CLNK: variants seen among roughly 807,000 people sequenced by gnomAD.
CLNK encodes the protein cytokine-dependent hematopoietic cell linker.
In CLNK, 74 loss-of-function variants were observed where a neutral mutation model predicts 68.6. That is an observed-to-expected ratio of 1.08 (90% CI 0.89 to 1.31). CLNK has a LOEUF of 1.31. CLNK is among the 50% of genes most tolerant of loss of function. The pLI, the probability that CLNK is intolerant of heterozygous loss-of-function variation, is 0.00. For missense variants in CLNK, 553 were observed against 515.3 expected (o/e 1.07, Z -0.71); for synonymous variants, 198 against 172.2 (o/e 1.15, Z -1.17).
intron 2 of CLNK, among the ~76,000 whole-genome samples, chr4:10,646,549 C>T (rs1255083544): frequency 6.6e-6 from 1 of 152,186 alleles, no homozygotes; most frequent in Non-Finnish European, 1.5e-5. Context: ...TTCCTCAGTG[C>T]CAGTGAAACT....
intron 5 of CLNK, among the ~76,000 whole-genome samples, chr4:10,567,660 T>G (rs1440700762): frequency 6.6e-6 from 1 of 152,170 alleles, no homozygotes; most frequent in Non-Finnish European, 1.5e-5. Flanking sequence ...AGAAAATATT[T>G]GCAAATCATG....
At chr4:10,618,754 G>A (rs1236877715) in intron 2 of CLNK, among the ~76,000 whole-genome samples, 1 of 152,138 alleles carries the variant, frequency 6.6e-6, no homozygotes, top group Non-Finnish European at 1.5e-5. Flanking sequence ...AAAGGAGGAA[G>A]GTGCTGTACA....
chr4:10,630,652 C>A (rs1005940566), intron 2 of CLNK, among the ~76,000 whole-genome samples: 1 of 152,218 alleles, frequency 6.6e-6, no homozygotes, highest in African/African-American at 2.4e-5. Flanking sequence ...TCCTATCTAT[C>A]TACACCATCT....
At chr4:10,658,807 A>T (rs764416016) in intron 2 of CLNK, among the ~76,000 whole-genome samples, 1 of 152,214 alleles carries the variant, frequency 6.6e-6, no homozygotes, top group Non-Finnish European at 1.5e-5. Flanking sequence ...AAGTTAAGGG[A>T]GGTGGAGAAA....
chr4:10,579,395 T>C (rs901786402), intron 4 of CLNK, among the ~76,000 whole-genome samples: 1 of 151,298 alleles, frequency 6.6e-6, no homozygotes, highest in African/African-American at 2.4e-5. Context: ...AAGAGGGGAA[T>C]GAGAGAGAGA....
At chr4:10,512,248 T>G (rs1717620185) in intron 16 of CLNK, among the ~76,000 whole-genome samples, 1 of 151,720 alleles carries the variant, frequency 6.6e-6, no homozygotes, top group Admixed American at 6.6e-5. Flanking sequence ...TTTTTTTTTT[T>G]GTGATGAAGT....
At chr4:10,568,207 C>T (rs187443208) in intron 5 of CLNK, among the ~76,000 whole-genome samples, 10 of 152,118 alleles carry the variant, frequency 6.6e-5, no homozygotes, top group East Asian at 1.9e-4. Flanking sequence ...GCAATGAAAA[C>T]GAGTAAAGTA....
the CLNK span, among the ~76,000 whole-genome samples, chr4:10,728,794 G>T: frequency 6.6e-6 from 1 of 151,520 alleles, no homozygotes; most frequent in African/African-American, 2.4e-5. Context: ...ACGGGGTTTC[G>T]CCATGTTAGT....
intron 14 of CLNK, 88 bp downstream of exon 14, chr4:10,525,753 T>C: frequency 1.3e-6 from 1 of 749,732 alleles, no homozygotes; most frequent in Non-Finnish European, 2.2e-6. Flanking sequence ...CTTTCGTTTC[T>C]CAGAAAGTCT....
At position 10,497,325 on chromosome 4, in the gene CLNK, G is replaced by GTA. The variant is rs538570325; in HGVS notation, c.1140+3929_1140+3930dup. Among the ~76,000 whole-genome samples, 65 of 152,038 alleles carry GTA rather than the reference G, an allele frequency of 4.3e-4. 1 individual carries two copies. In the South Asian group the frequency reaches 0.01, roughly 24 times the overall value. Reference sequence around the variant, plus strand: ...ATTTCTTTCTCATTGCTTGCTTTATGTATATATATATTTATATTATTAGTG... The same window carrying GTA: ...ATTTCTTTCTCATTGCTTGCTTTATGTATATATATATATTTATATTATTAGTG... On this transcript the variant is annotated intron_variant, in intron 18 of 18. Coordinates refer to ENST00000226951, the MANE Select transcript of CLNK (RefSeq NM_052964.4).
At chr4:10,550,439 G>A (rs1013166799) in intron 8 of CLNK, among the ~76,000 whole-genome samples, 2 of 152,104 alleles carry the variant, frequency 1.3e-5, no homozygotes, top group Admixed American at 1.3e-4. Flanking sequence ...AGCTTGCAGT[G>A]AGCCAAGATC....
At chr4:10,698,812 G>A in the CLNK span, among the ~76,000 whole-genome samples, 1 of 152,152 alleles carries the variant, frequency 6.6e-6, no homozygotes, top group Non-Finnish European at 1.5e-5. Context: ...TTCTGAATGA[G>A]ATTAACATGT....
intron 18 of CLNK, among the ~76,000 whole-genome samples, chr4:10,497,838 C>A (rs1281437969): frequency 6.6e-6 from 1 of 152,228 alleles, no homozygotes; most frequent in Non-Finnish European, 1.5e-5. Flanking sequence ...AAAGGCACAC[C>A]ATGTCCACGT....
chr4:10,643,000 G>A (rs558302021), intron 2 of CLNK, among the ~76,000 whole-genome samples: 22 of 152,124 alleles, frequency 1.4e-4, no homozygotes, highest in Non-Finnish European at 2.6e-4. Context: ...CTATATATAC[G>A]CACACATACA....
intron 2 of CLNK, among the ~76,000 whole-genome samples, chr4:10,619,283 A>G (rs1722339614): frequency 1.3e-5 from 2 of 152,320 alleles, no homozygotes; most frequent in Admixed American, 1.3e-4. Context: ...TAAGCATTGT[A>G]ATCACCGGCT....
intron 2 of CLNK, among the ~76,000 whole-genome samples, chr4:10,610,771 AACACACACACACAC>A (rs59809551): frequency 0.02 from 2,854 of 144,322 alleles, 33 homozygotes; most frequent in Middle Eastern, 0.021. Flanking sequence ...ATAAAAAAGC[AACACACACACACAC>A]ACACACACAC....
rs549800635 is a variant in CLNK, at chr4:10,521,783, G to A, written c.732-952C>T. Among the ~76,000 whole-genome samples the A allele has an allele frequency of 1.8e-4, 28 of 152,262 alleles. 1 individual carries two copies. The Middle Eastern group carries it at 0.01, about 55-fold the overall frequency. ...CGTTAAAACCAGAATCCTTTTACTA[G>A]CAGCCAGTGTACAATTCTGTTAAAT... On this transcript the variant is annotated intron_variant, in intron 14 of 18. Transcript: ENST00000226951.
At chr4:10,513,412 A>C (rs1717684089) in intron 16 of CLNK, 52 bp downstream of exon 16, 1 of 1,560,124 alleles carries the variant, frequency 6.4e-7, no homozygotes, top group Non-Finnish European at 8.7e-7. Flanking sequence ...GGAAAGCTCT[A>C]TTTAGATGCC....
chr4:10,718,100 C>T, the CLNK span, among the ~76,000 whole-genome samples: 1 of 152,074 alleles, frequency 6.6e-6, no homozygotes, highest in Non-Finnish European at 1.5e-5. Context: ...CTATACAAAA[C>T]CTCAATCTAT....
Sources: allele counts gnomAD v4.1 joint callset (sites outside exome capture counted in the v4.1 genomes callset), GRCh38; gene constraint gnomAD v4.1.1; transcripts MANE v1.5; gene names NCBI Gene and HGNC (gene_info 2026-07-23, HGNC 2026-07-21).